TSNARE1: variants seen among roughly 807,000 people sequenced by gnomAD.
The protein encoded by TSNARE1 is t-SNARE domain-containing protein 1.
Under a neutral mutation model 62.0 loss-of-function variants are expected in TSNARE1, and 49 were observed. The ratio of observed to expected loss-of-function variants is 0.79; its 90% CI spans 0.63 to 1.00. The LOEUF (loss-of-function observed/expected upper bound fraction) is 1.00. Among genes scored for constraint, TSNARE1 ranks in the 50% least tolerant of loss-of-function variants. The pLI, the probability that TSNARE1 is intolerant of heterozygous loss-of-function variation, is 0.00. For synonymous variants in TSNARE1, 328 were observed against 294.4 expected, an observed-to-expected ratio of 1.11 and a Z score of -1.17; for missense variants, 755 against 700.1, an observed-to-expected ratio of 1.08 and a Z score of -0.88.
intron 12 of TSNARE1, among the ~76,000 whole-genome samples, chr8:142,242,035 C>T (rs112623170): frequency 6.6e-6 from 1 of 150,806 alleles, no homozygotes; most frequent in Non-Finnish European, 1.5e-5. Context: ...GATGGAAGAC[C>T]GACATGTGAG....
In TSNARE1 at chr8:142,276,955, C is replaced by T. The variant is rs72687362; in HGVS notation, c.1364-2092G>A. 2.3e-5 allele frequency: 23 copies of T among 985,396 alleles called. No homozygotes were observed. In the South Asian group the frequency reaches 3.3e-4, roughly 14 times the overall value. 61.0% of individuals were successfully genotyped at this position (985,396 alleles called of 1,614,324 possible). A position where few individuals can be genotyped will look rare whatever the true frequency, so the allele number is the denominator to read the frequency against. On this transcript the variant is annotated intron_variant, in intron 11 of 13. Coordinates refer to ENST00000524325, the MANE Select transcript of TSNARE1 (RefSeq NM_145003.5). ...GTGGGCACGCCATGTCCTGCCCCGG[C>T]GCAGTGCACAGAGATGCACAAGGGG... is the stretch of plus-strand genomic sequence containing the variant.
intron 10 of TSNARE1, among the ~76,000 whole-genome samples, chr8:142,286,088 T>C (rs192146553): frequency 2.6e-5 from 4 of 152,270 alleles, no homozygotes; most frequent in Admixed American, 2.6e-4. Context: ...ACGCTGCACC[T>C]AGGACGGCTC....
chr8:142,378,799 G>A (rs1043829923), intron 1 of TSNARE1, among the ~76,000 whole-genome samples: 9 of 152,320 alleles, frequency 5.9e-5, no homozygotes, highest in Admixed American at 4.6e-4. Context: ...CAAGGCGCAC[G>A]GGCGTGTTAG....
intron 10 of TSNARE1, among the ~76,000 whole-genome samples, chr8:142,294,070 G>A (rs1824262163): frequency 6.6e-6 from 1 of 152,154 alleles, no homozygotes; most frequent in South Asian, 2.1e-4. Context: ...GGGAGTAAGG[G>A]AGCCCAGGGA....
At chr8:142,381,733 G>A (rs928840126) in intron 1 of TSNARE1, among the ~76,000 whole-genome samples, 1 of 152,174 alleles carries the variant, frequency 6.6e-6, no homozygotes, top group African/African-American at 2.4e-5. Flanking sequence ...GCCCCAGGCT[G>A]TAAGCAAGTC....
chr8:142,382,608 G>A (rs951242698), intron 1 of TSNARE1, among the ~76,000 whole-genome samples: 4 of 152,182 alleles, frequency 2.6e-5, no homozygotes, highest in African/African-American at 4.8e-5. Flanking sequence ...GTCTGGCCAT[G>A]GGGTGGCCAG....
intron 1 of TSNARE1, among the ~76,000 whole-genome samples, chr8:142,355,372 T>C (rs1300186386): frequency 2.0e-5 from 3 of 152,208 alleles, no homozygotes; most frequent in African/African-American, 7.2e-5. Flanking sequence ...GAAGAGGACC[T>C]GCGTCTTAGG....
chr8:142,257,415 G>A (rs1241749159), intron 12 of TSNARE1, among the ~76,000 whole-genome samples: 4 of 152,146 alleles, frequency 2.6e-5, no homozygotes, highest in East Asian at 3.9e-4. Context: ...ACCTGGACTG[G>A]ACAGGATGTC....
chr8:142,285,689 C>T (rs187441299), intron 10 of TSNARE1, among the ~76,000 whole-genome samples: 1 of 152,240 alleles, frequency 6.6e-6, no homozygotes, highest in East Asian at 1.9e-4. Context: ...TGAGTGGCTC[C>T]ATGAAGCTAG....
intron 6 of TSNARE1, among the ~76,000 whole-genome samples, chr8:142,322,897 T>C (rs1462240613): frequency 6.7e-6 from 1 of 150,278 alleles, no homozygotes; most frequent in East Asian, 2.0e-4. Flanking sequence ...AAGGCCAGCC[T>C]GGACGTGTCC....
At chr8:142,384,874 C>A (rs1837007111) in intron 1 of TSNARE1, among the ~76,000 whole-genome samples, 1 of 152,194 alleles carries the variant, frequency 6.6e-6, no homozygotes, top group South Asian at 2.1e-4. Context: ...TGAAAGTACA[C>A]TATCAACAGA....
chr8:142,399,600 C>T (rs1838141277), intron 1 of TSNARE1, among the ~76,000 whole-genome samples: 1 of 152,156 alleles, frequency 6.6e-6, no homozygotes, highest in Non-Finnish European at 1.5e-5. Context: ...GGAGGGACAG[C>T]GCCGGCCATG....
At chr8:142,278,999 G>C (rs1486703264) in intron 11 of TSNARE1, among the ~76,000 whole-genome samples, 1 of 152,240 alleles carries the variant, frequency 6.6e-6, no homozygotes, top group Non-Finnish European at 1.5e-5. Context: ...GGCTGGAGGT[G>C]CATATGGGCT....
At chr8:142,252,059 A>G (rs1045298714) in intron 12 of TSNARE1, among the ~76,000 whole-genome samples, 103 of 148,460 alleles carry the variant, frequency 6.9e-4, no homozygotes, top group Admixed American at 1.1e-3. Flanking sequence ...CTCTATCTGC[A>G]GGGCCCGGGC....
intron 4 of TSNARE1, among the ~76,000 whole-genome samples, chr8:142,335,484 A>C (rs1257117180): frequency 6.6e-6 from 1 of 152,214 alleles, no homozygotes; most frequent in African/African-American, 2.4e-5. Flanking sequence ...GCGGAAAGTT[A>C]AAGATCTATG....
At chr8:142,292,555 T>C (rs904779526) in intron 10 of TSNARE1, among the ~76,000 whole-genome samples, 2 of 152,102 alleles carry the variant, frequency 1.3e-5, no homozygotes, top group Non-Finnish European at 2.9e-5. Context: ...CCACCGCCCC[T>C]GGAGAAGAGG....
chr8:142,367,470 C>T (rs1354188356), intron 1 of TSNARE1, among the ~76,000 whole-genome samples: 1 of 145,650 alleles, frequency 6.9e-6, no homozygotes, highest in Non-Finnish European at 1.5e-5. Flanking sequence ...ATGAGAGGTC[C>T]GCAAGACGCA....
In TSNARE1 at chr8:142,344,091, TG is replaced by T. The variant is rs762448697; in HGVS notation, c.619del (p.His207MetfsTer69). 21 of 1,609,318 alleles carry T rather than the reference TG, an allele frequency of 1.3e-5. No homozygotes were observed. Among genetic ancestry groups the T allele is most frequent in the Non-Finnish European group, 1.7e-5 (20 of 1,177,586 alleles). On this transcript the variant is annotated frameshift_variant, in exon 4 of 14. Transcript: ENST00000524325. LOFTEE classifies it high-confidence loss of function. ...CTTGCCGGAACCAGGGCTGGGGCCA[TG>T]GGCCGCCTTCCGGAGGTCGCCCAGC... is the stretch of plus-strand genomic sequence containing the variant. The part of the protein sequence containing the change: ...RKLGDLRKAA[H>X]GPSPGSGKPQ...
chr8:142,398,218 ACGCACCCCCAAACCCTCCCAAAG>A (rs557539936), intron 1 of TSNARE1, among the ~76,000 whole-genome samples: 1 of 145,480 alleles, frequency 6.9e-6, no homozygotes, highest in Admixed American at 6.8e-5. Flanking sequence ...CCTGCCCAAA[ACGCACCCCCAAACCCTCCCAAAG>A]CGCACCCCCA....
Sources: allele counts gnomAD v4.1 joint callset (sites outside exome capture counted in the v4.1 genomes callset), GRCh38; gene constraint gnomAD v4.1.1; transcripts MANE v1.5; gene names NCBI Gene and HGNC (gene_info 2026-07-23, HGNC 2026-07-21).